Variants in CPT1B observed in about 807,000 individuals in gnomAD.
CPT1B encodes the protein carnitine O-palmitoyltransferase 1, muscle isoform.
A neutral mutation model predicts 92.7 loss-of-function variants in CPT1B; 57 were observed. The ratio of observed to expected loss-of-function variants is 0.62; its 90% CI spans 0.50 to 0.77. The LOEUF (loss-of-function observed/expected upper bound fraction) is 0.77, where lower values mean the gene tolerates loss of function less well. CPT1B is among the 30% of genes least tolerant of loss of function. The pLI is 0.00. For missense variants in CPT1B, 983 were observed against 1,017.4 expected, an observed-to-expected ratio of 0.97 and a Z score of 0.46; for synonymous variants, 398 against 383.5, an observed-to-expected ratio of 1.04 and a Z score of -0.44.
rs1186129910 is a variant in CPT1B at position 50,576,283 on chromosome 22, T to C, written c.614A>G (p.Glu205Gly). ...LLDDEEYYRM[E>G]LLAKEFQDKT... The stretch of plus-strand genomic sequence containing the variant: ...GTCCTGGAATTCTTTGGCCAGCAAC[T>C]CCATGCGGTAATATTCCTCATCATC... Residue 205 changes from glutamate to glycine, a missense_variant, in exon 6 of 20, where the codon GAG becomes GGG. Glu to Gly is a moderately conservative substitution (Grantham distance 98). Coordinates refer to ENST00000312108, the MANE Select transcript of CPT1B (RefSeq NM_152246.3). 6.2e-7 allele frequency: 1 copy of C among 1,614,030 alleles called. No homozygotes were observed. Among genetic ancestry groups the C allele is most frequent in the Admixed American group, 1.7e-5 (1 of 60,012 alleles).
At chr22:50,571,679 GAC>G in intron 13 of CPT1B, 140 bp from the exon 14 acceptor site, 1 of 984,166 alleles carries the variant, frequency 1.0e-6, no homozygotes, top group South Asian at 1.6e-5. Flanking sequence ...GTACGCAAAA[GAC>G]AGTCTGAGGG....
rs1331111959 is a variant in CPT1B, at chr22:50,576,317, G to C, written c.580C>G (p.Pro194Ala). ...TIQRYLESVR[P>A]LLDDEEYYRM... The stretch of plus-strand genomic sequence containing the variant: ...TAATATTCCTCATCATCCAACAAGG[G>C]GCGCACAGACTCTAGGTACTGTCCA... Residue 194 changes from proline (P) to alanine (A), a missense_variant, in exon 6 of 20, where the codon CCC (proline) becomes GCC (alanine). Transcript: ENST00000312108. The C allele has an allele frequency of 2.5e-6, 4 of 1,613,892 alleles. No homozygotes were observed. Among genetic ancestry groups the C allele is most frequent in the Non-Finnish European group, 3.4e-6 (4 of 1,180,018 alleles).
Position 50,573,887 on chromosome 22 carries a change from G to A in CPT1B, c.971-172C>T. On this transcript the variant is annotated intron_variant, in intron 9 of 19. Coordinates refer to ENST00000312108, the MANE Select transcript of CPT1B (RefSeq NM_152246.3). This position sits in a 1 kb window ranked among gnomAD's most constrained non-coding sequence, Gnocchi z 5.0. ...TGTCCTAAACCAGGCCCTGTGCTGG[G>A]TGCTTCCACTCTCTCTCACGCAACA... 4 of 722,036 alleles carry A rather than the reference G, an allele frequency of 5.5e-6. No individual in the cohort carries two copies. Among genetic ancestry groups the A allele is most frequent in the African/African-American group, 1.7e-5 (1 of 57,452 alleles). The allele number at this position is 722,036 out of a possible 1,614,324, so 44.7% of individuals were successfully genotyped here. A position where few individuals can be genotyped will look rare whatever the true frequency, so the allele number is the denominator to read the frequency against.
rs747299769 is a variant in CPT1B at position 50,571,148 on chromosome 22, G to A, written c.1875+10C>T. ...CGACTGTGACCCCCACATGGGCAGAGGACACTTACTGTGTGGGACCCCTCC... is the reference window on the plus strand; with the variant it reads ...CGACTGTGACCCCCACATGGGCAGAAGACACTTACTGTGTGGGACCCCTCC... On this transcript the variant is annotated intron_variant, in intron 15 of 19. Coordinates refer to ENST00000312108, the MANE Select transcript of CPT1B (RefSeq NM_152246.3). The A allele has an allele frequency of 1.2e-6, 2 of 1,614,040 alleles. No individual in the cohort carries two copies. Among genetic ancestry groups the A allele is most frequent in the Non-Finnish European group, 1.7e-6 (2 of 1,179,934 alleles).
chr22:50,575,812 C>G (rs1393497103), intron 7 of CPT1B, among the ~76,000 whole-genome samples: 1 of 152,172 alleles, frequency 6.6e-6, no homozygotes, highest in Non-Finnish European at 1.5e-5. Flanking sequence ...GGCAGGCTGG[C>G]GGTCTCCACT....
chr22:50,578,248 G>A (rs1327266373), intron 1 of CPT1B, 138 bp downstream of exon 1: 2 of 153,160 alleles, frequency 1.3e-5, no homozygotes, highest in Non-Finnish European at 2.9e-5. Context: ...CCTGGAAGTG[G>A]AGCCGGCCTG....
chr22:50,578,575 G>C (rs2070587166), upstream of CPT1B: 1 of 157,734 alleles, frequency 6.3e-6, no homozygotes, highest in East Asian at 1.9e-4. Flanking sequence ...TGCAGGGCGC[G>C]GCTGGGTTTC....
Position 50,577,812 on chromosome 22 carries a change from C to G in CPT1B, c.104G>C (p.Gly35Ala), listed in dbSNP as rs372094766. The G allele has an allele frequency of 1.2e-4, 190 of 1,613,766 alleles. No homozygotes were observed. The highest frequency in any genetic ancestry group is 1.8e-4 in the Admixed American group (11 of 60,006). The change falls in exon 2 of 20, where the codon GGG becomes GCG. Residue 35 changes from glycine (G) to alanine (A), a missense_variant. Coordinates refer to ENST00000312108, the MANE Select transcript of CPT1B (RefSeq NM_152246.3). ...REALKHVYLS[G>A]INSWKKRLIR... is the part of the protein sequence containing the mutation. ...CAGGCGTTTCTTCCAGGAGTTGATCCCAGACAGGTAGACGTGTTTCAGGGC... is the reference window on the plus strand; with the variant it reads ...CAGGCGTTTCTTCCAGGAGTTGATCGCAGACAGGTAGACGTGTTTCAGGGC...
intron 11 of CPT1B, 38 bp downstream of exon 11, chr22:50,572,837 A>T: frequency 6.3e-7 from 1 of 1,583,854 alleles, no homozygotes; most frequent in Non-Finnish European, 8.7e-7. Context: ...CTAACTTTTA[A>T]CCTTAAGCTG....
intron 1 of CPT1B, 32 bp from the exon 2 acceptor site, chr22:50,577,966 G>C (rs1379171400): frequency 6.5e-7 from 1 of 1,532,620 alleles, no homozygotes; most frequent in Non-Finnish European, 8.8e-7. Flanking sequence ...GCGCGGGCGC[G>C]CTTAGGCCGG....
rs771345792 is a variant in CPT1B at position 50,577,735 on chromosome 22, C to A, written c.141+40G>T. ...AACAAAGCGCTTAACAGCTGACAGC[C>A]GGCCTCTGCCTACGCTCTGGGAGAA... On this transcript the variant is annotated intron_variant, in intron 2 of 19. Coordinates refer to ENST00000312108, the MANE Select transcript of CPT1B (RefSeq NM_152246.3). 9.4e-6 allele frequency: 15 copies of A among 1,602,268 alleles called. No homozygotes were observed. The South Asian group carries it at 1.4e-4, about 15-fold the overall frequency.
intron 4 of CPT1B, 25 bp downstream of exon 4, chr22:50,576,832 A>G: frequency 6.2e-7 from 1 of 1,613,436 alleles, no homozygotes; most frequent in Non-Finnish European, 8.5e-7. Flanking sequence ...CAGGTGCCTG[A>G]ACCCCTCCAC....
chr22:50,570,697 A>C (rs745894514), intron 16 of CPT1B, among the ~76,000 whole-genome samples, 194 bp downstream of exon 16: 1 of 152,170 alleles, frequency 6.6e-6, no homozygotes, highest in Non-Finnish European at 1.5e-5. Flanking sequence ...CCAACACCAC[A>C]AAGAGGATGT....
chr22:50,571,303 CAG>C lies in CPT1B; in HGVS notation c.1741-13_1741-12del. ...GAACTTACCCCTGTCCTGGGATATA[CAG>C]AGGGGTGAATCTGGCAGGTGGACCC... On this transcript the variant is annotated splice_polypyrimidine_tract_variant and intron_variant, in intron 14 of 19. Transcript: ENST00000312108. 1 of 1,613,752 alleles carries C rather than the reference CAG, an allele frequency of 6.2e-7. No individual in the cohort carries two copies. The highest frequency in any genetic ancestry group is 8.5e-7 in the Non-Finnish European group (1 of 1,180,002).
intron 4 of CPT1B, 91 bp from the exon 5 acceptor site, chr22:50,576,728 GC>G: frequency 6.4e-7 from 1 of 1,554,466 alleles, no homozygotes; most frequent in East Asian, 2.2e-5. Flanking sequence ...AGCCATCCCA[GC>G]CCCTCCAGGA....
In CPT1B at chr22:50,573,848, G is replaced by T; in HGVS notation, c.971-133C>A. 1 of 808,986 alleles carries T rather than the reference G, an allele frequency of 1.2e-6. No homozygotes were observed. Among genetic ancestry groups the T allele is most frequent in the African/African-American group, 1.7e-5 (1 of 58,986 alleles). 50.1% of individuals were successfully genotyped at this position (808,986 alleles called of 1,614,324 possible). Reference sequence around the variant, plus strand: ...CTCTGCCTGGGCCTTCCTGCCCCCTGGATGGGATCCGTGTGTCCTAAACCA... The same window carrying T: ...CTCTGCCTGGGCCTTCCTGCCCCCTTGATGGGATCCGTGTGTCCTAAACCA... On this transcript the variant is annotated intron_variant, in intron 9 of 19. Transcript: ENST00000312108. This position sits in a 1 kb window ranked among gnomAD's most constrained non-coding sequence, Gnocchi z 5.0.
At chr22:50,576,373 C>T in intron 5 of CPT1B, 38 bp from the exon 6 acceptor site, 1 of 1,613,456 alleles carries the variant, frequency 6.2e-7, no homozygotes. Flanking sequence ...GGCCAGATGG[C>T]AAGGGCTGCC....
Position 50,576,097 on chromosome 22 carries a change from C to T in CPT1B, c.715G>A (p.Glu239Lys). The T allele has an allele frequency of 6.2e-7, 1 of 1,614,134 alleles. No individual in the cohort carries two copies. The highest frequency in any genetic ancestry group is 8.5e-7 in the Non-Finnish European group (1 of 1,180,022). ...CTGCCTCGAAGGTAGATGTACTCTT[C>T]CCACCAGTCACTCACCTGTGGGGAG... ...WASNYVSDWWEEYIYLRGRSP... is the reference protein window; with the variant it reads ...WASNYVSDWWKEYIYLRGRSP... Residue 239 changes from glutamate to lysine, a missense_variant, in exon 7 of 20, where the codon GAA (glutamate) becomes AAA (lysine). Coordinates refer to ENST00000312108, the MANE Select transcript of CPT1B (RefSeq NM_152246.3).
At position 50,573,812 on chromosome 22, in the gene CPT1B, T is replaced by A; in HGVS notation, c.971-97A>T. On this transcript the variant is annotated intron_variant, in intron 9 of 19. Transcript: ENST00000312108. This position sits in a 1 kb window ranked among gnomAD's most constrained non-coding sequence, Gnocchi z 5.0. ...CACTAGGTGACCCCTGCAGACCCTG[T>A]TTTGCTCGGCCTCTGCCTGGGCCTT... 1 of 1,149,284 alleles carries A rather than the reference T, an allele frequency of 8.7e-7. No individual in the cohort carries two copies. Among genetic ancestry groups the A allele is most frequent in the African/African-American group, 1.5e-5 (1 of 65,290 alleles). The allele number at this position is 1,149,284 out of a possible 1,614,324, so 71.2% of individuals were successfully genotyped here. A position where few individuals can be genotyped will look rare whatever the true frequency, so the allele number is the denominator to read the frequency against.
Sources: gnomAD v4.1 joint callset for allele counts (sites outside exome capture counted in the v4.1 genomes callset) on GRCh38, gnomAD v4.1.1 for gene constraint, Gnocchi (gnomAD v3.1) non-coding constraint, MANE v1.5 for transcripts, NCBI Gene and HGNC (gene_info 2026-07-23, HGNC 2026-07-21) for gene names.